RORA: variants seen among roughly 807,000 people sequenced by gnomAD.
The protein encoded by RORA is nuclear receptor ROR-alpha.
RORA carries 7 observed loss-of-function variants against 69.5 expected under a neutral mutation model. The ratio of observed to expected loss-of-function variants is 0.10; its 90% CI spans 0.06 to 0.19. RORA has a LOEUF of 0.19. Among genes scored for constraint, RORA ranks in the 10% least tolerant of loss-of-function variants. The pLI is 1.00. For synonymous variants in RORA, 261 were observed against 240.8 expected, an observed-to-expected ratio of 1.08 and a Z score of -0.78; for missense variants, 457 against 663.0, an observed-to-expected ratio of 0.69 and a Z score of 3.41.
intron 1 of RORA, among the ~76,000 whole-genome samples, chr15:61,209,271 A>G (rs1372941179): frequency 6.7e-6 from 1 of 148,754 alleles, no homozygotes; most frequent in Non-Finnish European, 1.5e-5. Flanking sequence ...TGAATTACAA[A>G]AAAAAAAAAA....
At chr15:61,194,667 A>G (rs562973616) in intron 1 of RORA, among the ~76,000 whole-genome samples, 1 of 152,222 alleles carries the variant, frequency 6.6e-6, no homozygotes, top group South Asian at 2.1e-4. Flanking sequence ...ATATTTTTGA[A>G]TGCAACATTG....
chr15:60,999,533 G>GTCT lies in RORA; in HGVS notation c.166+229517_166+229519dup, dbSNP rs1894680164. On this transcript the variant is annotated intron_variant, in intron 1 of 10. Transcript: ENST00000335670. ...TTCATATATTCAAAACTAGCAGGTT[G>GTCT]TCTTTTAGACATGCCCTTCATTACA... 2.0e-5 allele frequency among the ~76,000 whole-genome samples: 3 copies of GTCT among 152,226 alleles called. No homozygotes were observed. In the South Asian group the frequency reaches 6.2e-4, roughly 32 times the overall value.
At chr15:61,089,683 T>C (rs1268051250) in intron 1 of RORA, among the ~76,000 whole-genome samples, 1 of 152,116 alleles carries the variant, frequency 6.6e-6, no homozygotes, top group Non-Finnish European at 1.5e-5. Context: ...CCTTTAAAGG[T>C]TTCAGAGCCA....
At chr15:60,724,476 T>G (rs896115548) in intron 1 of RORA, among the ~76,000 whole-genome samples, 2 of 152,186 alleles carry the variant, frequency 1.3e-5, no homozygotes, top group Admixed American at 1.3e-4. Context: ...CGGCTCCTTG[T>G]GTTTTATCCA....
chr15:60,576,765 C>T (rs532243189), intron 2 of RORA, among the ~76,000 whole-genome samples: 1 of 152,178 alleles, frequency 6.6e-6, no homozygotes, highest in East Asian at 1.9e-4. Flanking sequence ...CTTGCATGGT[C>T]GCAGGCCTGC....
chr15:60,502,889 T>C (rs375174624), intron 7 of RORA, 22 bp from the exon 8 acceptor site: 3 of 1,420,704 alleles, frequency 2.1e-6, no homozygotes, highest in Non-Finnish European at 2.0e-6. Flanking sequence ...CAGAAATGGT[T>C]TGGGTCATTT....
At chr15:60,678,533 G>A in intron 2 of RORA, 124 bp downstream of exon 2, 1 of 747,970 alleles carries the variant, frequency 1.3e-6, no homozygotes, top group Non-Finnish European at 2.3e-6. Flanking sequence ...GAAAAAAAAT[G>A]ACCTCTGTTG....
At chr15:60,941,670 G>C (rs1892700810) in intron 1 of RORA, among the ~76,000 whole-genome samples, 1 of 152,186 alleles carries the variant, frequency 6.6e-6, no homozygotes, top group Admixed American at 6.5e-5. Flanking sequence ...TGTATTCTAA[G>C]AAAACTTTTA....
chr15:61,137,945 C>T (rs1306893886), intron 1 of RORA, among the ~76,000 whole-genome samples: 1 of 152,122 alleles, frequency 6.6e-6, no homozygotes, highest in Admixed American at 6.5e-5. Context: ...AGTTATTGTC[C>T]ACCAGGAAAA....
At chr15:60,701,223 T>C (rs1292619175) in intron 1 of RORA, among the ~76,000 whole-genome samples, 1 of 152,240 alleles carries the variant, frequency 6.6e-6, no homozygotes, top group African/African-American at 2.4e-5. Flanking sequence ...CCTGCCATTG[T>C]GTCTGGCACA....
chr15:60,621,372 G>T (rs142840569), intron 2 of RORA, among the ~76,000 whole-genome samples: 1 of 152,192 alleles, frequency 6.6e-6, no homozygotes, highest in East Asian at 1.9e-4. Context: ...AGTCCACTGC[G>T]GAGCCAGAGA....
At chr15:61,047,239 G>C (rs930543844) in intron 1 of RORA, among the ~76,000 whole-genome samples, 7 of 152,368 alleles carry the variant, frequency 4.6e-5, no homozygotes, top group Admixed American at 4.6e-4. Flanking sequence ...GCTCTCTTCA[G>C]GTCACCTGGC....
intron 1 of RORA, among the ~76,000 whole-genome samples, chr15:60,947,688 T>TTAAAA (rs1555396692): frequency 9.7e-6 from 1 of 102,952 alleles, no homozygotes; most frequent in Non-Finnish European, 1.8e-5. Context: ...GAATGATCAA[T>TTAAAA]AAAAAAAAAA....
chr15:60,541,135 A>G lies in RORA; in HGVS notation c.197-9284T>C, dbSNP rs2066858908. Reference sequence around the variant, plus strand: ...TTAGGCTTGCCAGAAGCGGAAGTGTAAATGTTTTCATATTAACCACTTTAA... The same window carrying G: ...TTAGGCTTGCCAGAAGCGGAAGTGTGAATGTTTTCATATTAACCACTTTAA... On this transcript the variant is annotated intron_variant, in intron 2 of 10. Transcript: ENST00000335670. Among the ~76,000 whole-genome samples, 2 of 152,230 alleles carry G rather than the reference A, an allele frequency of 1.3e-5. 1 individual carries two copies. The highest frequency in any genetic ancestry group is 4.1e-4 in the South Asian group (2 of 4,836).
intron 1 of RORA, among the ~76,000 whole-genome samples, chr15:60,963,095 T>C (rs1234284457): frequency 6.6e-6 from 1 of 152,252 alleles, no homozygotes; most frequent in Non-Finnish European, 1.5e-5. Flanking sequence ...ATGCTCTACA[T>C]GCATATGCAT....
chr15:61,180,507 T>C (rs1164333914), intron 1 of RORA, among the ~76,000 whole-genome samples: 1 of 152,182 alleles, frequency 6.6e-6, no homozygotes, highest in Non-Finnish European at 1.5e-5. Context: ...TGTTCACAAC[T>C]TTCTACCAAT....
chr15:60,989,468 T>G (rs1247474805), intron 1 of RORA, among the ~76,000 whole-genome samples: 1 of 152,252 alleles, frequency 6.6e-6, no homozygotes, highest in Non-Finnish European at 1.5e-5. Context: ...CATTAATCAG[T>G]TGATGGATAT....
intron 2 of RORA, among the ~76,000 whole-genome samples, chr15:60,553,689 G>A (rs1429435193): frequency 2.0e-5 from 3 of 152,092 alleles, no homozygotes; most frequent in East Asian, 1.9e-4. Flanking sequence ...CCTTGTAAAG[G>A]TGCCCTCTGC....
At chr15:61,019,609 G>A (rs558873819) in intron 1 of RORA, among the ~76,000 whole-genome samples, 1 of 152,062 alleles carries the variant, frequency 6.6e-6, no homozygotes, top group Non-Finnish European at 1.5e-5. Context: ...GTTAGTGAAG[G>A]GGGGGAAACC....
Sources: gnomAD v4.1 joint callset for allele counts (sites outside exome capture counted in the v4.1 genomes callset) on GRCh38, gnomAD v4.1.1 for gene constraint, MANE v1.5 for transcripts, NCBI Gene and HGNC (gene_info 2026-07-23, HGNC 2026-07-21) for gene names.